The following PAICS variants were observed in gnomAD, a reference collection of about 807,000 sequenced individuals.
The protein encoded by PAICS is bifunctional phosphoribosylaminoimidazole carboxylase/phosphoribosylaminoimidazole succinocarboxamide synthetase.
Under a neutral mutation model 53.7 loss-of-function variants are expected in PAICS, and 33 were observed. That is an observed-to-expected ratio of 0.61 (90% CI 0.47 to 0.82). PAICS has a LOEUF of 0.82. PAICS is among the 40% of genes least tolerant of loss of function. The pLI is 0.00. For missense variants in PAICS, 394 were observed against 494.1 expected, an observed-to-expected ratio of 0.80 and a Z score of 1.92; for synonymous variants, 141 against 167.2, an observed-to-expected ratio of 0.84 and a Z score of 1.21.
rs1369312955 is a variant in PAICS, at chr4:56,462,795, G to T, written c.*3257G>T. On this transcript the variant is annotated 3_prime_UTR_variant, in exon 9 of 9. Coordinates refer to ENST00000512576, the MANE Select transcript of PAICS (RefSeq NM_001079524.2). ...GCAGGTGGATCACCTGAGATCAGGAGTTCGAGACCAGCCTGACCAACATGG... is the reference window on the plus strand; with the variant it reads ...GCAGGTGGATCACCTGAGATCAGGATTTCGAGACCAGCCTGACCAACATGG... 1 of 151,106 alleles carries T rather than the reference G, an allele frequency of 6.6e-6. No individual in the cohort carries two copies. The highest frequency in any genetic ancestry group is 2.5e-5 in the African/African-American group (1 of 40,450). The allele number at this position is 151,106 out of a possible 1,614,324, so 9.4% of individuals were successfully genotyped here.
chr4:56,423,775 G>A, the PAICS span, among the ~76,000 whole-genome samples: 1 of 151,828 alleles, frequency 6.6e-6, no homozygotes. Flanking sequence ...ATTTTAAACT[G>A]TCACATGAAA....
At chr4:56,436,599 A>G (rs1717986649) in intron 1 of PAICS, 1 of 689,038 alleles carries the variant, frequency 1.5e-6, no homozygotes, top group African/African-American at 1.8e-5. Context: ...TAGCTATTGC[A>G]AAATACAAGC....
the PAICS span, among the ~76,000 whole-genome samples, chr4:56,415,034 A>G: frequency 2.0e-5 from 3 of 152,202 alleles, no homozygotes; most frequent in African/African-American, 7.2e-5. Context: ...TTTAACATAG[A>G]AACCCTAATA....
chr4:56,421,620 G>A, the PAICS span: 12 of 152,316 alleles, frequency 7.9e-5, no homozygotes, highest in African/African-American at 2.2e-4. Context: ...GACAGTCTGC[G>A]TCTAGGGAAG....
At chr4:56,417,981 AG>A in the PAICS span, among the ~76,000 whole-genome samples, 2 of 151,784 alleles carry the variant, frequency 1.3e-5, no homozygotes, top group Non-Finnish European at 2.9e-5. Flanking sequence ...CTGGGATTAC[AG>A]GTGTGCACCA....
intron 1 of PAICS, among the ~76,000 whole-genome samples, chr4:56,440,869 TTC>T (rs1167635002): frequency 6.6e-6 from 1 of 152,198 alleles, no homozygotes; most frequent in African/African-American, 2.4e-5. Flanking sequence ...GAGGGTTGAT[TTC>T]TCTCTTTCGA....
chr4:56,435,210 C>A, upstream of PAICS: 1 of 1,278,200 alleles, frequency 7.8e-7, no homozygotes, highest in South Asian at 1.4e-5. Flanking sequence ...GCAACCCGGT[C>A]GACGCCACAG....
chr4:56,456,388 G>A lies in PAICS; in HGVS notation c.1111+2627G>A, dbSNP rs183025486. 2.4e-4 allele frequency among the ~76,000 whole-genome samples: 36 copies of A among 152,176 alleles called. 1 individual carries two copies. In the South Asian group the frequency reaches 3.3e-3, roughly 14 times the overall value. On this transcript the variant is annotated intron_variant, in intron 8 of 8. Coordinates refer to ENST00000512576, the MANE Select transcript of PAICS (RefSeq NM_001079524.2). ...GTTATGGGCGTCAGCCACTGTGCCCGGCCTTCATTTTGGATACAGGTGTTT... is the reference window on the plus strand; with the variant it reads ...GTTATGGGCGTCAGCCACTGTGCCCAGCCTTCATTTTGGATACAGGTGTTT...
At chr4:56,442,629 G>A (rs1414737390) in intron 2 of PAICS, among the ~76,000 whole-genome samples, 2 of 152,108 alleles carry the variant, frequency 1.3e-5, no homozygotes, top group African/African-American at 2.4e-5. Context: ...TTCAACCTAC[G>A]AAACCTTACC....
chr4:56,456,987 G>A (rs1391653407), intron 8 of PAICS, among the ~76,000 whole-genome samples: 1 of 152,074 alleles, frequency 6.6e-6, no homozygotes, highest in East Asian at 1.9e-4. Flanking sequence ...GGGTGTATCT[G>A]GTAGGGATTG....
At position 56,453,693 on chromosome 4, in the gene PAICS, T is replaced by C. The variant is rs1719041431; in HGVS notation, c.1043T>C (p.Ile348Thr). 1 of 1,559,056 alleles carries C rather than the reference T, an allele frequency of 6.4e-7. No individual in the cohort carries two copies. The highest frequency in any genetic ancestry group is 1.4e-5 in the African/African-American group (1 of 73,710). ...TCTGGGAACACTGCATATCCAGTTATCAGCTGTCCTCCCCTCACACCAGAC... is the reference window on the plus strand; with the variant it reads ...TCTGGGAACACTGCATATCCAGTTACCAGCTGTCCTCCCCTCACACCAGAC... ...VMSGNTAYPV[I>T]SCPPLTPDWG... The change falls in exon 8 of 9, where the codon ATC becomes ACC. Residue 348 changes from isoleucine (I) to threonine (T), a missense_variant. Ile to Thr is a moderately conservative substitution (Grantham distance 89, BLOSUM62 -1). Transcript: ENST00000512576.
intron 8 of PAICS, among the ~76,000 whole-genome samples, chr4:56,455,586 C>T (rs1196132562): frequency 6.6e-6 from 1 of 152,066 alleles, no homozygotes; most frequent in Non-Finnish European, 1.5e-5. Flanking sequence ...CAAAAGAATA[C>T]AAAAGGTAAA....
At chr4:56,416,985 G>A in the PAICS span, among the ~76,000 whole-genome samples, 370 of 152,262 alleles carry the variant, frequency 2.4e-3, no homozygotes, top group Non-Finnish European at 3.7e-3. Flanking sequence ...GACTAGCTGG[G>A]ATTACAGGAG....
In PAICS at chr4:56,446,756, A is replaced by G; in HGVS notation, c.276A>G (p.Glu92=). The change falls in exon 3 of 9, where the codon GAA becomes GAG. Residue 92 remains glutamate, a synonymous_variant. Coordinates refer to ENST00000512576, the MANE Select transcript of PAICS (RefSeq NM_001079524.2). ...GETAFIAPQC[E]MIPIEWVCRR... ...CAGCTTTCATTGCACCGCAGTGTGAAATGATTCCAATTGAATGGGTTTGCA... is the reference window on the plus strand; with the variant it reads ...CAGCTTTCATTGCACCGCAGTGTGAGATGATTCCAATTGAATGGGTTTGCA... 1 of 1,607,160 alleles carries G rather than the reference A, an allele frequency of 6.2e-7. No homozygotes were observed. The highest frequency in any genetic ancestry group is 8.5e-7 in the Non-Finnish European group (1 of 1,176,160).
At chr4:56,443,734 A>T (rs541885554) in intron 2 of PAICS, among the ~76,000 whole-genome samples, 1 of 152,224 alleles carries the variant, frequency 6.6e-6, no homozygotes, top group Non-Finnish European at 1.5e-5. Context: ...CCAGAACTTT[A>T]TAACAAGTAA....
intron 8 of PAICS, among the ~76,000 whole-genome samples, chr4:56,456,183 C>T (rs888005416): frequency 1.3e-5 from 2 of 152,170 alleles, no homozygotes; most frequent in Non-Finnish European, 2.9e-5. Context: ...CCTCCGCCTC[C>T]CAGGTTCAAG....
chr4:56,450,760 GTTTC>G, intron 6 of PAICS, 58 bp downstream of exon 6: 3 of 856,226 alleles, frequency 3.5e-6, no homozygotes, highest in Admixed American at 2.4e-5. Flanking sequence ...AGAAAATCTT[GTTTC>G]AAAAGAAAAA....
At chr4:56,456,210 A>G (rs560203841) in intron 8 of PAICS, among the ~76,000 whole-genome samples, 16 of 151,950 alleles carry the variant, frequency 1.1e-4, no homozygotes, top group Non-Finnish European at 1.9e-4. Context: ...TCGTGCCTCA[A>G]CCTCCTGAGT....
At chr4:56,419,322 T>G in the PAICS span, among the ~76,000 whole-genome samples, 1 of 151,922 alleles carries the variant, frequency 6.6e-6, no homozygotes, top group Non-Finnish European at 1.5e-5. Context: ...TACACTGACA[T>G]ACACCCTACA....
Sources: gnomAD v4.1 joint callset for allele counts (sites outside exome capture counted in the v4.1 genomes callset) on GRCh38, gnomAD v4.1.1 for gene constraint, MANE v1.5 for transcripts, NCBI Gene and HGNC (gene_info 2026-07-23, HGNC 2026-07-21) for gene names.